Variants in FAM184B observed in about 807,000 individuals in gnomAD.
FAM184B encodes the protein family with sequence similarity 184 member B.
A neutral mutation model predicts 135.9 loss-of-function variants in FAM184B; 111 were observed. The ratio of observed to expected loss-of-function variants is 0.82; its 90% CI spans 0.70 to 0.96. The LOEUF (loss-of-function observed/expected upper bound fraction) is 0.96. Ranked by LOEUF, FAM184B falls within the 40% of genes least tolerant of loss-of-function variation. The pLI is 0.00. For missense variants in FAM184B, 1,375 were observed against 1,323.9 expected (o/e 1.04, Z -0.60); for synonymous variants, 552 against 524.8 (o/e 1.05, Z -0.71).
At chr4:17,714,928 ATCTGCC>A (rs1396100451) in intron 1 of FAM184B, among the ~76,000 whole-genome samples, 3 of 152,098 alleles carry the variant, frequency 2.0e-5, no homozygotes, top group Non-Finnish European at 1.5e-5. Context: ...GACACCAAGG[ATCTGCC>A]TGAACTGTTC....
chr4:17,747,356 C>T (rs1289655985), intron 1 of FAM184B, among the ~76,000 whole-genome samples: 5 of 152,066 alleles, frequency 3.3e-5, no homozygotes, highest in African/African-American at 9.7e-5. Context: ...AAGAGAAGAA[C>T]ATGGGAAACG....
At chr4:17,673,739 C>T (rs1237951646) in intron 7 of FAM184B, among the ~76,000 whole-genome samples, 1 of 152,032 alleles carries the variant, frequency 6.6e-6, no homozygotes, top group Non-Finnish European at 1.5e-5. Flanking sequence ...ATAAGAAGGA[C>T]ACAATGGACT....
At chr4:17,646,456 C>T (rs968370203) in intron 12 of FAM184B, among the ~76,000 whole-genome samples, 14 of 152,160 alleles carry the variant, frequency 9.2e-5, no homozygotes, top group African/African-American at 3.4e-4. Flanking sequence ...TGGAAACCAT[C>T]ATTCTCAGCA....
intron 1 of FAM184B, among the ~76,000 whole-genome samples, chr4:17,733,695 G>T (rs1717839277): frequency 6.6e-6 from 1 of 152,272 alleles, no homozygotes; most frequent in East Asian, 1.9e-4. Flanking sequence ...CAAACAAATG[G>T]AAGAACATTC....
chr4:17,706,305 C>A (rs569842091), intron 3 of FAM184B, among the ~76,000 whole-genome samples: 1 of 152,156 alleles, frequency 6.6e-6, no homozygotes. Flanking sequence ...GACCTCTGCT[C>A]GAAACCCACA....
In FAM184B at chr4:17,693,168, A is replaced by T. The variant is rs1411422296; in HGVS notation, c.1488+134T>A. 4.9e-6 allele frequency: 3 copies of T among 612,322 alleles called. No individual in the cohort carries two copies. In the African/African-American group the frequency reaches 5.7e-5, roughly 12 times the overall value. The allele number at this position is 612,322 out of a possible 1,614,324, so 37.9% of individuals were successfully genotyped here. A position where few individuals can be genotyped will look rare whatever the true frequency, so the allele number is the denominator to read the frequency against. ...CTCTCTGTTACTTGCAGCTAAATGC[A>T]CGCCCCCCGAGACAGCCTGCCTGTC... On this transcript the variant is annotated intron_variant, in intron 6 of 17. Coordinates refer to ENST00000265018, the MANE Select transcript of FAM184B (RefSeq NM_015688.2).
At chr4:17,757,293 A>G (rs1718445367) in intron 1 of FAM184B, among the ~76,000 whole-genome samples, 1 of 152,184 alleles carries the variant, frequency 6.6e-6, no homozygotes, top group South Asian at 2.1e-4. Flanking sequence ...ATGTGTGTGT[A>G]TGAAACCACA....
intron 1 of FAM184B, among the ~76,000 whole-genome samples, chr4:17,729,776 A>G (rs1717732213): frequency 6.6e-6 from 1 of 152,254 alleles, no homozygotes; most frequent in African/African-American, 2.4e-5. Context: ...CGTCACCATC[A>G]TCAGAGACCA....
intron 3 of FAM184B, among the ~76,000 whole-genome samples, chr4:17,706,489 G>C (rs1717121013): frequency 6.6e-6 from 1 of 152,164 alleles, no homozygotes; most frequent in South Asian, 2.1e-4. Context: ...GCAGCTCCCA[G>C]GTTTTGTGCC....
chr4:17,643,084 G>T (rs1387100472), intron 12 of FAM184B, among the ~76,000 whole-genome samples: 2 of 152,216 alleles, frequency 1.3e-5, no homozygotes, highest in Non-Finnish European at 2.9e-5. Flanking sequence ...ACTCTCACAT[G>T]CATAGCCTGG....
chr4:17,664,007 G>A lies in FAM184B; in HGVS notation c.1694+555C>T, dbSNP rs369174103. ...CCTCCCCAGCCAAGCAGAATTGTGA[G>A]TCAATTAAACCTCTTTCCTTTATAA... On this transcript the variant is annotated intron_variant, in intron 8 of 17. Transcript: ENST00000265018. 2.7e-4 allele frequency among the ~76,000 whole-genome samples: 41 copies of A among 152,244 alleles called. No individual in the cohort carries two copies. In the South Asian group the frequency reaches 6.8e-3, roughly 25 times the overall value.
rs902721035 is a variant in FAM184B, at chr4:17,647,772, C to T, written c.2211G>A (p.Leu737=). The T allele has an allele frequency of 3.2e-6, 5 of 1,550,490 alleles. No individual in the cohort carries two copies. Among genetic ancestry groups the T allele is most frequent in the African/African-American group, 1.4e-5 (1 of 73,012 alleles). The change falls in exon 12 of 18, where the codon CTG becomes CTA. Residue 737 remains leucine, a synonymous_variant. Transcript: ENST00000265018. ...ALLLESLRQE[L]SEQQAACSGH... Reference sequence around the variant, plus strand: ...CAGAACAGGCAGCTTGCTGCTCCGACAGCTCCTGTCTGAGCGACTCTGGAA... The same window carrying T: ...CAGAACAGGCAGCTTGCTGCTCCGATAGCTCCTGTCTGAGCGACTCTGGAA...
chr4:17,660,338 C>A (rs973964851), intron 8 of FAM184B, among the ~76,000 whole-genome samples: 3 of 149,032 alleles, frequency 2.0e-5, no homozygotes, highest in Admixed American at 6.6e-5. Context: ...TAGCAGGAAC[C>A]ACCTGATATC....
At chr4:17,742,315 A>T (rs1276154191) in intron 1 of FAM184B, among the ~76,000 whole-genome samples, 1 of 151,934 alleles carries the variant, frequency 6.6e-6, no homozygotes, top group Non-Finnish European at 1.5e-5. Context: ...CAAAAAATTT[A>T]AAAAATCAGC....
intron 7 of FAM184B, among the ~76,000 whole-genome samples, chr4:17,684,247 G>A (rs950657343): frequency 5.4e-5 from 8 of 146,952 alleles, no homozygotes; most frequent in African/African-American, 7.5e-5. Context: ...TTATTCATGA[G>A]AGTATCCTAT....
In FAM184B at chr4:17,711,823, C is replaced by G. The variant is rs1025966834; in HGVS notation, c.142-2179G>C. On this transcript the variant is annotated intron_variant, in intron 1 of 17. Coordinates refer to ENST00000265018, the MANE Select transcript of FAM184B (RefSeq NM_015688.2). ...AAGAGGTGGAGACAGGTGTGTGGCA[C>G]TTGGGACAGGAGAATGAGGGAGCTC... Among the ~76,000 whole-genome samples, 5 of 152,048 alleles carry G rather than the reference C, an allele frequency of 3.3e-5. 1 individual carries two copies. Among genetic ancestry groups the G allele is most frequent in the Admixed American group, 1.3e-4 (2 of 15,264 alleles).
intron 10 of FAM184B, among the ~76,000 whole-genome samples, chr4:17,653,769 T>C (rs758460160): frequency 4.1e-4 from 62 of 151,892 alleles, no homozygotes; most frequent in Non-Finnish European, 8.5e-4. Flanking sequence ...TTACCTTACA[T>C]GGTCAAAGGG....
In FAM184B at chr4:17,632,593, T is replaced by G. The variant is rs916540890; in HGVS notation, c.3122A>C (p.Glu1041Ala). Residue 1041 changes from glutamate to alanine, a missense_variant, in exon 18 of 18, where the codon GAA becomes GCA. Physicochemically the swap from Glu to Ala is moderately radical, Grantham distance 107. Transcript: ENST00000265018. ...CGGAGAGCCCTGTTTCTGCTGGACT[T>G]CTTTGGCTTGGGCCGTTTCACCATC... ...TPDGETAQAK[E>A]VQQKQGSPHQ... The G allele has an allele frequency of 2.4e-5, 38 of 1,551,234 alleles. No homozygotes were observed. The Admixed American group carries it at 4.9e-4, about 20-fold the overall frequency.
intron 1 of FAM184B, among the ~76,000 whole-genome samples, chr4:17,770,073 TG>T (rs1217078788): frequency 6.6e-6 from 1 of 152,090 alleles, no homozygotes; most frequent in Non-Finnish European, 1.5e-5. Flanking sequence ...AAGGGTGGTG[TG>T]GCAGAGGAAA....
Sources: gnomAD v4.1 joint callset for allele counts (sites outside exome capture counted in the v4.1 genomes callset) on GRCh38, gnomAD v4.1.1 for gene constraint, MANE v1.5 for transcripts, NCBI Gene and HGNC (gene_info 2026-07-23, HGNC 2026-07-21) for gene names.